TMEM108: variants seen among roughly 807,000 people sequenced by gnomAD.
The protein encoded by TMEM108 is cancer/testis antigen 124.
Under a neutral mutation model 35.1 loss-of-function variants are expected in TMEM108, and 12 were observed. The observed-to-expected ratio is 0.34, with a 90% confidence interval of 0.22 to 0.55. The LOEUF (loss-of-function observed/expected upper bound fraction) is 0.55. Among genes scored for constraint, TMEM108 ranks in the 20% least tolerant of loss-of-function variants. The pLI is 0.89. For missense variants in TMEM108, 680 were observed against 753.3 expected (o/e 0.90, Z 1.14); for synonymous variants, 287 against 308.6 (o/e 0.93, Z 0.73).
intron 2 of TMEM108, among the ~76,000 whole-genome samples, chr3:133,134,586 G>T (rs1023087497): frequency 4.0e-5 from 6 of 150,758 alleles, no homozygotes; most frequent in African/African-American, 7.3e-5. Context: ...GCTGTCTCTT[G>T]TTTTTTTTTA....
intron 1 of TMEM108, among the ~76,000 whole-genome samples, chr3:133,043,662 A>C (rs1576288725): frequency 6.6e-6 from 1 of 152,034 alleles, no homozygotes; most frequent in South Asian, 2.1e-4. Context: ...GTTCCCTTCT[A>C]ATTCATGACT....
At chr3:133,191,897 T>G (rs1179612427) in intron 2 of TMEM108, among the ~76,000 whole-genome samples, 4 of 152,112 alleles carry the variant, frequency 2.6e-5, no homozygotes, top group Non-Finnish European at 5.9e-5. Context: ...CATCCTGTTA[T>G]TTAAAACCTG....
chr3:133,160,925 G>C (rs763978895), intron 2 of TMEM108, among the ~76,000 whole-genome samples: 12 of 152,176 alleles, frequency 7.9e-5, no homozygotes, highest in Non-Finnish European at 2.9e-5. Flanking sequence ...CTGAGCCCCT[G>C]TAATGGCCTC....
intron 2 of TMEM108, among the ~76,000 whole-genome samples, chr3:133,118,826 A>T (rs1944317598): frequency 6.6e-6 from 1 of 152,166 alleles, no homozygotes; most frequent in Non-Finnish European, 1.5e-5. Flanking sequence ...GTGTGTAAAA[A>T]GACGTAAGAT....
chr3:133,382,287 T>C (rs2073034157), intron 4 of TMEM108, among the ~76,000 whole-genome samples: 1 of 152,218 alleles, frequency 6.6e-6, no homozygotes, highest in African/African-American at 2.4e-5. Context: ...GCCTAAAGTT[T>C]GCCTTCTTGT....
At chr3:133,228,481 A>G (rs1946106971) in intron 2 of TMEM108, among the ~76,000 whole-genome samples, 1 of 152,164 alleles carries the variant, frequency 6.6e-6, no homozygotes, top group African/African-American at 2.4e-5. Context: ...AAAAAGCCTT[A>G]ATTTATGTCC....
chr3:133,254,760 T>C (rs1243395667), intron 3 of TMEM108, among the ~76,000 whole-genome samples: 3 of 152,292 alleles, frequency 2.0e-5, no homozygotes, highest in East Asian at 1.9e-4. Context: ...AAAACAACCA[T>C]GTATTATGCT....
At chr3:133,057,489 G>A (rs564022174) in intron 2 of TMEM108, among the ~76,000 whole-genome samples, 33 of 126,800 alleles carry the variant, frequency 2.6e-4, no homozygotes, top group African/African-American at 1.0e-3. Flanking sequence ...ATATATATGT[G>A]GGTTTTCATG....
At chr3:133,218,100 T>C (rs1945935527) in intron 2 of TMEM108, among the ~76,000 whole-genome samples, 1 of 152,046 alleles carries the variant, frequency 6.6e-6, no homozygotes, top group African/African-American at 2.4e-5. Flanking sequence ...TCATTAATAG[T>C]TTGTAGTTTT....
chr3:133,384,938 G>A (rs2073108988), intron 4 of TMEM108, among the ~76,000 whole-genome samples: 1 of 152,176 alleles, frequency 6.6e-6, no homozygotes, highest in Non-Finnish European at 1.5e-5. Flanking sequence ...AAGTGGAGTA[G>A]CCCCTCTCTC....
At position 133,297,594 on chromosome 3, in the gene TMEM108, C is replaced by A. The variant is rs183901550; in HGVS notation, c.40+68243C>A. 4.2e-3 allele frequency among the ~76,000 whole-genome samples: 635 copies of A among 152,270 alleles called. 6 individuals carry two copies. The highest frequency in any genetic ancestry group is 0.017 in the Middle Eastern group (5 of 294). ...GGGCCCCACCCCAGAACTGCTACTTCATAAGGCCAGGGAACTTTAAGTTCC... is the reference window on the plus strand; with the variant it reads ...GGGCCCCACCCCAGAACTGCTACTTAATAAGGCCAGGGAACTTTAAGTTCC... On this transcript the variant is annotated intron_variant, in intron 3 of 5. Coordinates refer to ENST00000321871, the MANE Select transcript of TMEM108 (RefSeq NM_023943.4).
rs527487109 is a variant in TMEM108 at position 133,157,802 on chromosome 3, G to A, written c.-46-71464G>A. 7.9e-5 allele frequency among the ~76,000 whole-genome samples: 12 copies of A among 152,272 alleles called. No individual in the cohort carries two copies. The South Asian group carries it at 1.4e-3, about 18-fold the overall frequency. ...GCCATCAGTTATAATGAGGATTTAC[G>A]TGTATCCTGTTGAATATAGCTCTCT... On this transcript the variant is annotated intron_variant, in intron 2 of 5. Transcript: ENST00000321871.
At chr3:133,311,275 A>T (rs2071125568) in intron 3 of TMEM108, among the ~76,000 whole-genome samples, 1 of 152,056 alleles carries the variant, frequency 6.6e-6, no homozygotes, top group South Asian at 2.1e-4. Context: ...TAGGTTGGGG[A>T]AGTTCTCCTG....
chr3:133,356,847 C>CA (rs2072188236), intron 3 of TMEM108, among the ~76,000 whole-genome samples: 1 of 152,152 alleles, frequency 6.6e-6, no homozygotes, highest in Non-Finnish European at 1.5e-5. Context: ...AAATCTAAGA[C>CA]ATGAAACTAT....
At chr3:133,332,177 C>T (rs1278664512) in intron 3 of TMEM108, among the ~76,000 whole-genome samples, 3 of 152,014 alleles carry the variant, frequency 2.0e-5, no homozygotes, top group Non-Finnish European at 4.4e-5. Context: ...GCCAAGAGGA[C>T]AAAAATATCA....
At position 133,234,929 on chromosome 3, in the gene TMEM108, A is replaced by G. The variant is rs142907191; in HGVS notation, c.40+5578A>G. 2.5e-3 allele frequency among the ~76,000 whole-genome samples: 382 copies of G among 152,326 alleles called. 1 individual carries two copies. The highest frequency in any genetic ancestry group is 8.7e-3 in the African/African-American group (361 of 41,564). On this transcript the variant is annotated intron_variant, in intron 3 of 5. Transcript: ENST00000321871. ...TCTCAGGATACAAAATCCATATGCA[A>G]AAATCACAAGCATTCCTATACGTCA...
Position 133,380,476 on chromosome 3 carries a change from G to T in TMEM108, c.765G>T (p.Ala255=). Residue 255 remains alanine (A), a synonymous_variant, in exon 4 of 6, where the codon GCG becomes GCT. Transcript: ENST00000321871. This position sits in a 1 kb window ranked among gnomAD's most constrained non-coding sequence, Gnocchi z 5.3. ...CACCACAGCCCCAGACAGTGGCTGC[G>T]ACCACAGTGCCCAGCAATACCTCAT... is the stretch of plus-strand genomic sequence containing the variant. The part of the protein sequence containing the change: ...SSSPQPQTVA[A]TTVPSNTSWA... 6.2e-7 allele frequency: 1 copy of T among 1,613,894 alleles called. No individual in the cohort carries two copies. The highest frequency in any genetic ancestry group is 8.5e-7 in the Non-Finnish European group (1 of 1,179,964).
At chr3:133,239,553 G>C (rs766852132) in intron 3 of TMEM108, among the ~76,000 whole-genome samples, 1 of 152,136 alleles carries the variant, frequency 6.6e-6, no homozygotes, top group Non-Finnish European at 1.5e-5. Flanking sequence ...CACTAGCTTT[G>C]ATCTCTGGTT....
At chr3:133,126,358 T>C (rs1292537611) in intron 2 of TMEM108, among the ~76,000 whole-genome samples, 1 of 151,814 alleles carries the variant, frequency 6.6e-6, no homozygotes, top group East Asian at 1.9e-4. Context: ...TACCAGCTAC[T>C]CGGGAGGCTG....
Sources: gnomAD v4.1 joint callset for allele counts (sites outside exome capture counted in the v4.1 genomes callset) on GRCh38, gnomAD v4.1.1 for gene constraint, Gnocchi (gnomAD v3.1) non-coding constraint, MANE v1.5 for transcripts, NCBI Gene and HGNC (gene_info 2026-07-23, HGNC 2026-07-21) for gene names.